Variants in ITPR2 observed in about 807,000 individuals in gnomAD.
ITPR2 encodes inositol 1,4,5-trisphosphate receptor type 2, also known as inositol 1,4,5-trisphosphate-gated calcium channel ITPR2.
Under a neutral mutation model 317.1 loss-of-function variants are expected in ITPR2, and 207 were observed. The observed-to-expected ratio is 0.65, with a 90% CI of 0.58 to 0.73. The LOEUF (loss-of-function observed/expected upper bound fraction) is 0.73, where lower values mean the gene tolerates loss of function less well. Among genes scored for constraint, ITPR2 ranks in the 30% least tolerant of loss-of-function variants. The pLI, the probability that ITPR2 is intolerant of heterozygous loss-of-function variation, is 0.00. For missense variants in ITPR2, 2,613 were observed against 3,284.0 expected, an observed-to-expected ratio of 0.80 and a Z score of 4.99; for synonymous variants, 1,156 against 1,149.1, an observed-to-expected ratio of 1.01 and a Z score of -0.12.
chr12:26,734,091 A>G (rs1052650801), intron 2 of ITPR2, among the ~76,000 whole-genome samples: 3 of 134,322 alleles, frequency 2.2e-5, no homozygotes, highest in Non-Finnish European at 4.8e-5. Context: ...GTCTTGTCAC[A>G]TACATTATCT....
intron 15 of ITPR2, among the ~76,000 whole-genome samples, 178 bp downstream of exon 15, chr12:26,663,507 C>T (rs1947549416): frequency 2.0e-5 from 3 of 152,214 alleles, no homozygotes; most frequent in Admixed American, 1.3e-4. Flanking sequence ...AAGAATAAAG[C>T]CATGTTCAAT....
chr12:26,508,344 A>T (rs1205240726), intron 37 of ITPR2, among the ~76,000 whole-genome samples: 7 of 152,344 alleles, frequency 4.6e-5, no homozygotes, highest in South Asian at 4.1e-4. Context: ...TGGCATCACT[A>T]TTATACCTGT....
chr12:26,338,239 C>G lies in ITPR2; in HGVS notation c.*1158G>C, dbSNP rs562246652. 6.6e-6 allele frequency: 1 copy of G among 152,568 alleles called. No homozygotes were observed. Among genetic ancestry groups the G allele is most frequent in the Admixed American group, 6.5e-5 (1 of 15,280 alleles). 9.5% of individuals were successfully genotyped at this position (152,568 alleles called of 1,614,324 possible). On this transcript the variant is annotated 3_prime_UTR_variant, in exon 57 of 57. Transcript: ENST00000381340. Reference sequence around the variant, plus strand: ...GAACACACCAGGTTATTCTCTCCCTCGACAAATTCTGAGTGCATGATTTAA... The same window carrying G: ...GAACACACCAGGTTATTCTCTCCCTGGACAAATTCTGAGTGCATGATTTAA...
intron 55 of ITPR2, among the ~76,000 whole-genome samples, chr12:26,342,515 G>A (rs1241107690): frequency 4.2e-5 from 2 of 48,000 alleles, no homozygotes; most frequent in Admixed American, 2.3e-4. Context: ...GGGGGGGGGC[G>A]GGGGTCAGAT....
chr12:26,408,355 TA>T (rs1940425317), intron 52 of ITPR2, among the ~76,000 whole-genome samples: 2 of 152,242 alleles, frequency 1.3e-5, no homozygotes, highest in African/African-American at 4.8e-5. Context: ...TCCCGTTTTC[TA>T]AAAATATTTA....
intron 45 of ITPR2, among the ~76,000 whole-genome samples, chr12:26,460,181 C>T (rs996494985): frequency 6.6e-6 from 1 of 152,208 alleles, no homozygotes; most frequent in Non-Finnish European, 1.5e-5. Flanking sequence ...CCTGATCCGA[C>T]CCTGCCTCCA....
intron 1 of ITPR2, among the ~76,000 whole-genome samples, chr12:26,806,815 CAGGT>C (rs1823831265): frequency 6.6e-6 from 1 of 152,188 alleles, no homozygotes; most frequent in Admixed American, 6.5e-5. Context: ...GCTGGGATTA[CAGGT>C]ATGAGCCACC....
chr12:26,816,508 T>C (rs1479242606), intron 1 of ITPR2, among the ~76,000 whole-genome samples: 1 of 152,204 alleles, frequency 6.6e-6, no homozygotes, highest in Admixed American at 6.5e-5. Context: ...GCATTTTTCA[T>C]TCCCTCAACA....
chr12:26,431,630 G>A lies in ITPR2; in HGVS notation c.6770-3542C>T, dbSNP rs530445435. Among the ~76,000 whole-genome samples, 49 of 152,316 alleles carry A rather than the reference G, an allele frequency of 3.2e-4. No homozygotes were observed. The South Asian group carries it at 9.7e-3, about 30-fold the overall frequency. On this transcript the variant is annotated intron_variant, in intron 48 of 56. Coordinates refer to ENST00000381340, the MANE Select transcript of ITPR2 (RefSeq NM_002223.4). ...AGATTCTCTATCTGCAGTAGAGGGTGAAGAGTGCCCAACAGGCTGGTCCTC... is the reference window on the plus strand; with the variant it reads ...AGATTCTCTATCTGCAGTAGAGGGTAAAGAGTGCCCAACAGGCTGGTCCTC...
Position 26,340,208 on chromosome 12 carries a change from C to G in ITPR2, c.7978G>C (p.Val2660Leu). Residue 2660 changes from valine to leucine, a missense_variant, in exon 56 of 57, where the codon GTC (valine) becomes CTC (leucine). Transcript: ENST00000381340. ...GCCAGCTGACCCGACAGCTGTTTGA[C>G]CAGACTCATGGTCGATTCCAACTTC... ...QEKLESTMSL[V>L]KQLSGQLAEL... is the part of the protein sequence containing the mutation. The G allele has an allele frequency of 6.2e-7, 1 of 1,609,426 alleles. No individual in the cohort carries two copies. Among genetic ancestry groups the G allele is most frequent in the Non-Finnish European group, 8.5e-7 (1 of 1,178,006 alleles).
intron 9 of ITPR2, among the ~76,000 whole-genome samples, chr12:26,707,763 C>T (rs1948578515): frequency 6.6e-6 from 1 of 152,118 alleles, no homozygotes; most frequent in Non-Finnish European, 1.5e-5. Context: ...CTCCTGACCT[C>T]AGGTGATCCA....
intron 37 of ITPR2, among the ~76,000 whole-genome samples, chr12:26,496,306 T>C (rs2136876935): frequency 6.6e-6 from 1 of 152,362 alleles, no homozygotes; most frequent in East Asian, 1.9e-4. Flanking sequence ...CAGCCATTTC[T>C]TCATGTCCCG....
intron 2 of ITPR2, among the ~76,000 whole-genome samples, chr12:26,726,304 A>G (rs1326320478): frequency 6.6e-6 from 1 of 152,192 alleles, no homozygotes; most frequent in Non-Finnish European, 1.5e-5. Flanking sequence ...AAGCAAAACA[A>G]AACACCTAAA....
At chr12:26,643,219 G>GA (rs2136867398) in intron 21 of ITPR2, among the ~76,000 whole-genome samples, 1 of 152,342 alleles carries the variant, frequency 6.6e-6, no homozygotes, top group South Asian at 2.1e-4. Context: ...AGAACTGTGA[G>GA]AAATAAATGT....
chr12:26,363,729 TGCACATGTATCCCA>T (rs556605317), intron 55 of ITPR2, among the ~76,000 whole-genome samples: 44 of 151,814 alleles, frequency 2.9e-4, no homozygotes, highest in African/African-American at 1.0e-3. Context: ...GTAACAAACC[TGCACATGTATCCCA>T]GCACATGTAT....
chr12:26,527,470 C>T (rs1039276225), intron 37 of ITPR2, among the ~76,000 whole-genome samples: 2 of 152,108 alleles, frequency 1.3e-5, no homozygotes, highest in African/African-American at 4.8e-5. Context: ...TTGGGGAATC[C>T]CTTTCAGTTC....
At chr12:26,625,145 T>C (rs951136378) in intron 23 of ITPR2, among the ~76,000 whole-genome samples, 1 of 152,072 alleles carries the variant, frequency 6.6e-6, no homozygotes, top group Non-Finnish European at 1.5e-5. Context: ...ATTAAAACAA[T>C]TGAACTCATG....
chr12:26,574,215 TAAA>T (rs76496267), intron 34 of ITPR2, among the ~76,000 whole-genome samples: 45 of 137,652 alleles, frequency 3.3e-4, no homozygotes, highest in African/African-American at 9.5e-4. Flanking sequence ...GGGAACCTGT[TAAA>T]AAAAAAAAAA....
intron 2 of ITPR2, among the ~76,000 whole-genome samples, chr12:26,739,032 G>A (rs1268986629): frequency 6.6e-6 from 1 of 152,162 alleles, no homozygotes; most frequent in Non-Finnish European, 1.5e-5. Flanking sequence ...ACAAAAAAGG[G>A]AAGGCTAACA....
Sources: gnomAD v4.1 joint callset for allele counts (sites outside exome capture counted in the v4.1 genomes callset) on GRCh38, gnomAD v4.1.1 for gene constraint, MANE v1.5 for transcripts, NCBI Gene and HGNC (gene_info 2026-07-23, HGNC 2026-07-21) for gene names.